The following RIPOR3 variants were observed in gnomAD, a reference collection of about 807,000 sequenced individuals.
RIPOR3 encodes family with sequence similarity 65 member C.
In RIPOR3, 95 loss-of-function variants were observed where a neutral mutation model predicts 114.3. The observed-to-expected ratio is 0.83, with a 90% CI of 0.70 to 0.99. The LOEUF (loss-of-function observed/expected upper bound fraction) is 0.99. Among genes scored for constraint, RIPOR3 ranks in the 50% least tolerant of loss-of-function variants. RIPOR3 has a pLI of 0.00. For missense variants in RIPOR3, 1,252 were observed against 1,266.9 expected (o/e 0.99, Z 0.18); for synonymous variants, 575 against 543.8 (o/e 1.06, Z -0.80).
rs559383663 is a variant in RIPOR3 at position 50,691,415 on chromosome 20, G to A, written c.-287C>T. 2.8e-4 allele frequency: 75 copies of A among 271,314 alleles called. 1 individual carries two copies. The highest frequency in any genetic ancestry group is 1.4e-3 in the Middle Eastern group (1 of 714). 16.8% of individuals were successfully genotyped at this position (271,314 alleles called of 1,614,324 possible). On this transcript the variant is annotated 5_prime_UTR_variant, in exon 1 of 22. Coordinates refer to ENST00000327979, the MANE Select transcript of RIPOR3 (RefSeq NM_001290268.2). ...GGACTCTTATCTGGCCTGTGTCAGG[G>A]TGCAGGCGGCCATGGAGCTGGGGTT...
At chr20:50,598,424 G>C (rs1014822884) in intron 13 of RIPOR3, among the ~76,000 whole-genome samples, 1 of 152,026 alleles carries the variant, frequency 6.6e-6, no homozygotes, top group African/African-American at 2.4e-5. Context: ...CCCCACCCAG[G>C]CCTTGTGTCC....
chr20:50,646,268 T>C (rs1055722217), intron 1 of RIPOR3, among the ~76,000 whole-genome samples: 1 of 152,100 alleles, frequency 6.6e-6, no homozygotes, highest in Non-Finnish European at 1.5e-5. Flanking sequence ...GCCGGGACCA[T>C]AGGTGTGTAC....
intron 1 of RIPOR3, among the ~76,000 whole-genome samples, chr20:50,687,999 T>C (rs906293263): frequency 1.6e-4 from 25 of 152,226 alleles, no homozygotes; most frequent in African/African-American, 5.8e-4. Flanking sequence ...ATAAATGTAA[T>C]ATAATCATTT....
chr20:50,629,724 G>GT (rs1221674710), intron 2 of RIPOR3, among the ~76,000 whole-genome samples: 2 of 152,114 alleles, frequency 1.3e-5, no homozygotes, highest in African/African-American at 2.4e-5. Flanking sequence ...CGACAGCCCC[G>GT]TGAGCAGGGT....
intron 1 of RIPOR3, among the ~76,000 whole-genome samples, chr20:50,664,232 A>G (rs1462045851): frequency 6.6e-6 from 1 of 151,994 alleles, no homozygotes; most frequent in Non-Finnish European, 1.5e-5. Context: ...TGGCCCCAAT[A>G]TATTACTTTC....
At chr20:50,592,321 G>T in intron 19 of RIPOR3, 23 bp downstream of exon 19, 1 of 1,531,670 alleles carries the variant, frequency 6.5e-7, no homozygotes, top group South Asian at 1.3e-5. Context: ...GCCAGGGTCT[G>T]CCACCTGCCC....
intron 1 of RIPOR3, among the ~76,000 whole-genome samples, chr20:50,677,367 CTTTTTTTT>C (rs34725648): frequency 1.0e-5 from 1 of 96,800 alleles, no homozygotes. Context: ...TCTTGTTTTA[CTTTTTTTT>C]TTTTTTTTTT....
chr20:50,624,562 C>G (rs1031033995), intron 2 of RIPOR3, among the ~76,000 whole-genome samples: 1 of 152,184 alleles, frequency 6.6e-6, no homozygotes, highest in African/African-American at 2.4e-5. Context: ...TCTGAGAGCC[C>G]GCCCACCCGG....
At chr20:50,592,670 A>G in intron 18 of RIPOR3, 124 bp from the exon 19 acceptor site, 1 of 882,506 alleles carries the variant, frequency 1.1e-6, no homozygotes, top group Non-Finnish European at 1.6e-6. Flanking sequence ...CGGGATGATC[A>G]CCAAGGCCCA....
rs937018687 is a variant in RIPOR3 at position 50,608,497 on chromosome 20, C to A, written c.848G>T (p.Gly283Val). ...ELRGLGSLAVGAVTCDIADFF... is the reference protein window; with the variant it reads ...ELRGLGSLAVVAVTCDIADFF... ...GTCGGCGATGTCACACGTCACTGCA[C>A]CCACAGCCAGCGAGCCCAGGCCCCG... Residue 283 changes from glycine to valine, a missense_variant, in exon 11 of 22, where the codon GGT (glycine) becomes GTT (valine). By Grantham distance (109) the Gly-to-Val change is moderately radical. Transcript: ENST00000327979. The A allele has an allele frequency of 3.1e-6, 5 of 1,613,822 alleles. No homozygotes were observed. In the African/African-American group the frequency reaches 4.0e-5, roughly 13 times the overall value.
chr20:50,641,416 T>C (rs2085189841), intron 1 of RIPOR3, among the ~76,000 whole-genome samples: 2 of 152,294 alleles, frequency 1.3e-5, no homozygotes, highest in Non-Finnish European at 2.9e-5. Flanking sequence ...AGGGTCTCTC[T>C]ATGTGGCCCA....
At chr20:50,606,642 G>A (rs1375871037) in intron 11 of RIPOR3, among the ~76,000 whole-genome samples, 2 of 152,060 alleles carry the variant, frequency 1.3e-5, no homozygotes, top group Non-Finnish European at 2.9e-5. Flanking sequence ...ACCTCAAACA[G>A]GGTACTTAAA....
Position 50,592,398 on chromosome 20 carries a change from C to T in RIPOR3, c.2523G>A (p.Arg841=), listed in dbSNP as rs746163820. ...LQLDGTPRVC[R]AASARLAGAV... ...CACCAGCCAGGCGAGCGCTGGCCGC[C>T]CTGCACACCCTCGGAGTGCCGTCCA... Residue 841 remains arginine, a synonymous_variant, in exon 19 of 22, where the codon AGG becomes AGA. Coordinates refer to ENST00000327979, the MANE Select transcript of RIPOR3 (RefSeq NM_001290268.2). 1 of 1,609,312 alleles carries T rather than the reference C, an allele frequency of 6.2e-7. No homozygotes were observed. Among genetic ancestry groups the T allele is most frequent in the South Asian group, 1.1e-5 (1 of 90,788 alleles).
intron 11 of RIPOR3, among the ~76,000 whole-genome samples, chr20:50,605,058 GACCACAGGCATGT>G (rs2083657520): frequency 6.6e-6 from 1 of 152,170 alleles, no homozygotes; most frequent in South Asian, 2.1e-4. Flanking sequence ...GTGTAGCTAT[GACCACAGGCATGT>G]ACCACCATGC....
chr20:50,607,536 T>C (rs529025865), intron 11 of RIPOR3, among the ~76,000 whole-genome samples: 21 of 152,290 alleles, frequency 1.4e-4, no homozygotes, highest in African/African-American at 4.8e-4. Context: ...CCCACTTCTC[T>C]GCCCAGGGTG....
At position 50,673,995 on chromosome 20, in the gene RIPOR3, G is replaced by C. The variant is rs149704952; in HGVS notation, c.3+17131C>G. ...CCCTGGCAAGCTCTGCCATGCACAG[G>C]AGTCATGCTGCTTTCAATCCACGGG... On this transcript the variant is annotated intron_variant, in intron 1 of 21. Coordinates refer to ENST00000327979, the MANE Select transcript of RIPOR3 (RefSeq NM_001290268.2). Among the ~76,000 whole-genome samples, 1,068 of 152,300 alleles carry C rather than the reference G, an allele frequency of 7.0e-3. 9 individuals are homozygous for C. Among genetic ancestry groups the C allele is most frequent in the African/African-American group, 0.024 (1,018 of 41,560 alleles).
At chr20:50,600,623 G>A in intron 13 of RIPOR3, among the ~76,000 whole-genome samples, 1 of 152,108 alleles carries the variant, frequency 6.6e-6, no homozygotes. Context: ...AGCCAGGCAT[G>A]GTGATGTGTG....
intron 1 of RIPOR3, among the ~76,000 whole-genome samples, chr20:50,679,104 CAAAAAAAAA>C (rs1215128742): frequency 5.6e-5 from 2 of 35,988 alleles, no homozygotes; most frequent in African/African-American, 4.3e-4. Context: ...GATCCTGTCT[CAAAAAAAAA>C]AAAAAAAAAA....
chr20:50,609,976 C>A (rs1463486346), intron 6 of RIPOR3, among the ~76,000 whole-genome samples: 4 of 140,216 alleles, frequency 2.9e-5, no homozygotes, highest in African/African-American at 1.1e-4. Flanking sequence ...CACCTGCCAC[C>A]CCTACCACCC....
Sources: allele counts gnomAD v4.1 joint callset (sites outside exome capture counted in the v4.1 genomes callset), GRCh38; gene constraint gnomAD v4.1.1; transcripts MANE v1.5; gene names NCBI Gene and HGNC (gene_info 2026-07-23, HGNC 2026-07-21).